Variants in ADGRA2 observed in about 807,000 individuals in gnomAD.
ADGRA2 encodes the protein G-protein coupled receptor 124.
In ADGRA2, 61 loss-of-function variants were observed where a neutral mutation model predicts 98.7. The observed-to-expected ratio is 0.62, with a 90% CI of 0.50 to 0.76. The LOEUF (loss-of-function observed/expected upper bound fraction) is 0.76, where lower values mean the gene tolerates loss of function less well. Ranked by LOEUF, ADGRA2 falls within the 30% of genes least tolerant of loss-of-function variation. The probability of loss-of-function intolerance (pLI) is 0.00; values close to 1 mark genes in which losing one functional copy is unlikely to be tolerated. For missense variants in ADGRA2, 1,712 were observed against 1,860.0 expected (o/e 0.92, Z 1.46); for synonymous variants, 858 against 831.5 (o/e 1.03, Z -0.55).
chr8:37,841,645 G>T lies in ADGRA2; in HGVS notation c.3307G>T (p.Ala1103Ser), dbSNP rs1175806640. ...HAPPRALPAA[A>S]EDGSPVFGEG... ...CCCGCCCCGGGCCCTGCCCGCCGCC[G>T]CAGAGGACGGTTCCCCGGTGTTCGG... The change falls in exon 19 of 19, where the codon GCA becomes TCA. Residue 1103 changes from alanine (A) to serine (S), a missense_variant. Physicochemically the swap from Ala to Ser is moderately conservative, Grantham distance 99. Transcript: ENST00000412232. The surrounding 1 kb of genome is among the most constrained non-coding windows in gnomAD (Gnocchi z 5.0). 2.0e-6 allele frequency: 3 copies of T among 1,525,154 alleles called. No homozygotes were observed. The highest frequency in any genetic ancestry group is 4.8e-5 in the East Asian group (2 of 41,474). 94.5% of individuals were successfully genotyped at this position (1,525,154 alleles called of 1,614,324 possible). A position where few individuals can be genotyped will look rare whatever the true frequency, so the allele number is the denominator to read the frequency against.
rs559288417 is a variant in ADGRA2 at position 37,807,944 on chromosome 8, T to C, written c.267-6952T>C. On this transcript the variant is annotated intron_variant, in intron 1 of 18. Transcript: ENST00000412232. Reference sequence around the variant, plus strand: ...ATGTGCTATGTGCCCACGTGACTCCTGCAGGGTCATCTTTGATGTTGGGGT... The same window carrying C: ...ATGTGCTATGTGCCCACGTGACTCCCGCAGGGTCATCTTTGATGTTGGGGT... Among the ~76,000 whole-genome samples, 28 of 152,320 alleles carry C rather than the reference T, an allele frequency of 1.8e-4. No homozygotes were observed. The South Asian group carries it at 5.4e-3, about 29-fold the overall frequency.
At chr8:37,820,108 A>G (rs929551282) in intron 2 of ADGRA2, among the ~76,000 whole-genome samples, 16 of 152,204 alleles carry the variant, frequency 1.1e-4, no homozygotes, top group African/African-American at 2.9e-4. Context: ...TTCTCTAGGA[A>G]GCCTCAGTGT....
At position 37,841,677 on chromosome 8, in the gene ADGRA2, C is replaced by CCCCCCACCGGGGAGGGG. The variant is rs746838506; in HGVS notation, c.3344_3345insACCGGGGAGGGGCCCCC (p.Ser1116ProfsTer193). On this transcript the variant is annotated frameshift_variant, in exon 19 of 19. Coordinates refer to ENST00000412232, the MANE Select transcript of ADGRA2 (RefSeq NM_032777.10). LOFTEE classifies it low-confidence loss of function (END_TRUNC). The surrounding 1 kb of genome is among the most constrained non-coding windows in gnomAD (Gnocchi z 5.0). ...ACGGTTCCCCGGTGTTCGGGGAGGG[C>CCCCCCACCGGGGAGGGG]CCCCCCTCCCTCAAGTCCTCCCCAA... is the stretch of plus-strand genomic sequence containing the variant. The CCCCCCACCGGGGAGGGG allele has an allele frequency of 1.3e-4, 194 of 1,527,808 alleles. No homozygotes were observed. Among genetic ancestry groups the CCCCCCACCGGGGAGGGG allele is most frequent in the Admixed American group, 9.2e-4 (44 of 47,572 alleles). 94.6% of individuals were successfully genotyped at this position (1,527,808 alleles called of 1,614,324 possible). A position where few individuals can be genotyped will look rare whatever the true frequency, so the allele number is the denominator to read the frequency against.
At chr8:37,838,717 G>C (rs10095151) in intron 14 of ADGRA2, among the ~76,000 whole-genome samples, 9,109 of 152,204 alleles carry the variant, frequency 0.06, 904 homozygotes, top group African/African-American at 0.21. Flanking sequence ...GGTTTTTCAG[G>C]CTGAGGGTGT....
chr8:37,831,392 C>T, intron 7 of ADGRA2, 31 bp from the exon 8 acceptor site: 2 of 1,602,892 alleles, frequency 1.2e-6, no homozygotes, highest in South Asian at 1.1e-5. Flanking sequence ...CCAAGGGTGA[C>T]TCACGAGCCA....
At chr8:37,828,338 A>G (rs1375327345) in intron 2 of ADGRA2, among the ~76,000 whole-genome samples, 1 of 152,084 alleles carries the variant, frequency 6.6e-6, no homozygotes, top group Non-Finnish European at 1.5e-5. Flanking sequence ...GAGGCCTCCT[A>G]ACTTCCAATC....
In ADGRA2 at chr8:37,837,821, G is replaced by A. The variant is rs953018817; in HGVS notation, c.2141G>A (p.Ser714Asn). ...GCCGAACCTGTGGCCGCTTGGTGGAGCCAGGAGGGGCCCGGGGAGGCTGGG... is the reference window on the plus strand; with the variant it reads ...GCCGAACCTGTGGCCGCTTGGTGGAACCAGGAGGGGCCCGGGGAGGCTGGG... ...EGAEPVAAWW[S>N]QEGPGEAGGW... Residue 714 changes from serine to asparagine, a missense_variant, in exon 14 of 19, where the codon AGC becomes AAC. Transcript: ENST00000412232. The A allele has an allele frequency of 2.6e-6, 4 of 1,538,540 alleles. No homozygotes were observed. The highest frequency in any genetic ancestry group is 3.4e-4 in the Middle Eastern group (2 of 5,836).
At chr8:37,800,635 A>G (rs1804475660) in intron 1 of ADGRA2, among the ~76,000 whole-genome samples, 1 of 152,090 alleles carries the variant, frequency 6.6e-6, no homozygotes, top group Non-Finnish European at 1.5e-5. Flanking sequence ...GAGGCCCCTA[A>G]GGTCTCTCAG....
chr8:37,822,083 C>T (rs564577340), intron 2 of ADGRA2, among the ~76,000 whole-genome samples: 1 of 152,112 alleles, frequency 6.6e-6, no homozygotes, highest in African/African-American at 2.4e-5. Context: ...AGCCCCCATG[C>T]CTGGCATGGG....
chr8:37,829,662 C>A, intron 5 of ADGRA2, 103 bp downstream of exon 5: 1 of 990,160 alleles, frequency 1.0e-6, no homozygotes, highest in Non-Finnish European at 1.6e-6. Flanking sequence ...TCACGAGTGG[C>A]CACAGCAGAC....
chr8:37,828,842 G>A (rs752721189), intron 2 of ADGRA2, 46 bp from the exon 3 acceptor site: 32 of 1,505,440 alleles, frequency 2.1e-5, no homozygotes, highest in Non-Finnish European at 2.8e-5. Context: ...GAGCAGGGCG[G>A]CTCCAGCGGG....
At chr8:37,824,460 A>G (rs1216861795) in intron 2 of ADGRA2, among the ~76,000 whole-genome samples, 1 of 142,602 alleles carries the variant, frequency 7.0e-6, no homozygotes, top group Non-Finnish European at 1.5e-5. Context: ...GTTCTCTTTC[A>G]CTTTCTTGAT....
Position 37,835,695 on chromosome 8 carries a change from A to G in ADGRA2, c.1975A>G (p.Asn659Asp). ...TGGCCGCCTCTTCCACAGCCACAGC[A>G]ACACCTCCCGCCCTGGAGCTGCTGG... Reference protein sequence around the residue: ...RNGRLFHSHSNTSRPGAAGPG... With the variant: ...RNGRLFHSHSDTSRPGAAGPG... The change falls in exon 13 of 19, where the codon AAC (asparagine) becomes GAC (aspartate). Residue 659 changes from asparagine to aspartate, a missense_variant. Transcript: ENST00000412232. 6.2e-7 allele frequency: 1 copy of G among 1,613,892 alleles called. No homozygotes were observed. The highest frequency in any genetic ancestry group is 8.5e-7 in the Non-Finnish European group (1 of 1,179,968).
At chr8:37,839,408 C>A in intron 15 of ADGRA2, 91 bp from the exon 16 acceptor site, 1 of 1,555,044 alleles carries the variant, frequency 6.4e-7, no homozygotes, top group Non-Finnish European at 8.7e-7. Context: ...CAGATATGTG[C>A]CTGCCCCCCG....
intron 1 of ADGRA2, among the ~76,000 whole-genome samples, chr8:37,806,406 A>G (rs1804660400): frequency 6.6e-6 from 1 of 151,922 alleles, no homozygotes; most frequent in Non-Finnish European, 1.5e-5. Context: ...CCATCAAGGT[A>G]TACTGATTAC....
rs756965611 is a variant in ADGRA2, at chr8:37,839,592, A to T, written c.2481A>T (p.Thr827=). The T allele has an allele frequency of 5.0e-6, 8 of 1,613,988 alleles. No individual in the cohort carries two copies. The highest frequency in any genetic ancestry group is 1.7e-5 in the Admixed American group (1 of 60,010). The change falls in exon 16 of 19, where the codon ACA becomes ACT. Residue 827 remains threonine, a synonymous_variant. Coordinates refer to ENST00000412232, the MANE Select transcript of ADGRA2 (RefSeq NM_032777.10). ...CTGCTGTCTTTGCGGGGGGCATCAC[A>T]CTCACCAACTACCAGATGGTCTGCC... ...MTSAVFAGGI[T]LTNYQMVCQA... is the part of the protein sequence containing the mutation.
At chr8:37,829,698 C>T in intron 5 of ADGRA2, 139 bp downstream of exon 5, 1 of 971,028 alleles carries the variant, frequency 1.0e-6, no homozygotes, top group South Asian at 1.4e-5. Context: ...CCCATGATCA[C>T]CTTCCCGCGA....
chr8:37,841,069 T>G lies in ADGRA2; in HGVS notation c.2748-17T>G. 1 of 1,557,342 alleles carries G rather than the reference T, an allele frequency of 6.4e-7. No individual in the cohort carries two copies. The highest frequency in any genetic ancestry group is 1.4e-5 in the African/African-American group (1 of 73,742). On this transcript the variant is annotated splice_polypyrimidine_tract_variant and intron_variant, in intron 18 of 18. Transcript: ENST00000412232. The surrounding 1 kb of genome is among the most constrained non-coding windows in gnomAD (Gnocchi z 5.0). ...CCATGCCCCCTGTCCTCATCACTGC[T>G]TCTGTGTCTCCTACAGCTGCTGGCT... is the stretch of plus-strand genomic sequence containing the variant.
intron 1 of ADGRA2, among the ~76,000 whole-genome samples, chr8:37,798,171 C>T (rs1740276869): frequency 6.6e-6 from 1 of 152,220 alleles, no homozygotes; most frequent in Non-Finnish European, 1.5e-5. Flanking sequence ...TCTAGAGGCC[C>T]CTCTCCCACG....
Sources: allele counts gnomAD v4.1 joint callset (sites outside exome capture counted in the v4.1 genomes callset), GRCh38; gene constraint gnomAD v4.1.1; non-coding constraint Gnocchi (gnomAD v3.1); transcripts MANE v1.5; gene names NCBI Gene and HGNC (gene_info 2026-07-23, HGNC 2026-07-21).